TMEM132C: variants seen among roughly 807,000 people sequenced by gnomAD.
TMEM132C encodes protein phosphatase 1, regulatory subunit 152.
In TMEM132C, 29 loss-of-function variants were observed where a neutral mutation model predicts 61.4. That is an observed-to-expected ratio of 0.47 (90% CI 0.35 to 0.64). TMEM132C has a LOEUF of 0.64. Ranked by LOEUF, TMEM132C falls within the 30% of genes least tolerant of loss-of-function variation. The probability of loss-of-function intolerance (pLI) is 0.00; values close to 1 mark genes in which losing one functional copy is unlikely to be tolerated. For missense variants in TMEM132C, 1,408 were observed against 1,476.9 expected (o/e 0.95, Z 0.76); for synonymous variants, 656 against 633.1 (o/e 1.04, Z -0.54).
At chr12:128,408,760 G>A (rs1868407865) in intron 1 of TMEM132C, among the ~76,000 whole-genome samples, 1 of 152,168 alleles carries the variant, frequency 6.6e-6, no homozygotes, top group Admixed American at 6.5e-5. Flanking sequence ...GGTGACCCCA[G>A]AACAAGGCCT....
At chr12:128,371,022 G>C (rs76954492) in intron 1 of TMEM132C, among the ~76,000 whole-genome samples, 4,934 of 152,086 alleles carry the variant, frequency 0.032, 90 homozygotes, top group South Asian at 0.075. Flanking sequence ...TTCAATCCAG[G>C]TGCCTGGCTC....
chr12:128,536,839 G>A (rs1873552065), intron 2 of TMEM132C, among the ~76,000 whole-genome samples: 1 of 152,090 alleles, frequency 6.6e-6, no homozygotes, highest in African/African-American at 2.4e-5. Context: ...GAATGATGAG[G>A]TTCATACATT....
At chr12:128,567,429 GACACACACACACACAC>G (rs140541188) in intron 3 of TMEM132C, among the ~76,000 whole-genome samples, 104 of 136,328 alleles carry the variant, frequency 7.6e-4, no homozygotes, top group Middle Eastern at 3.8e-3. Flanking sequence ...CATACCCATA[GACACACACACACACAC>G]ACACACACAC....
At chr12:128,429,603 A>T (rs922196179) in intron 2 of TMEM132C, among the ~76,000 whole-genome samples, 3 of 152,168 alleles carry the variant, frequency 2.0e-5, no homozygotes, top group African/African-American at 2.4e-5. Flanking sequence ...AGCCATGGAA[A>T]TCAAGGCCAA....
intron 1 of TMEM132C, among the ~76,000 whole-genome samples, chr12:128,398,758 C>T (rs1474910025): frequency 3.3e-5 from 5 of 152,074 alleles, no homozygotes; most frequent in African/African-American, 1.2e-4. Flanking sequence ...ACAAAGAAGT[C>T]GATATATGAT....
At chr12:128,279,743 T>C (rs1870829838) in intron 1 of TMEM132C, among the ~76,000 whole-genome samples, 1 of 152,232 alleles carries the variant, frequency 6.6e-6, no homozygotes, top group South Asian at 2.1e-4. Flanking sequence ...ATGCACATTG[T>C]CTGTTGTTCT....
intron 4 of TMEM132C, among the ~76,000 whole-genome samples, chr12:128,639,392 CAAT>C (rs199969902): frequency 0.12 from 18,331 of 150,556 alleles, 1,448 homozygotes; most frequent in African/African-American, 0.23. Context: ...GTAAAGATGA[CAAT>C]GATGATGGTG....
chr12:128,479,855 T>A (rs1871266554), intron 2 of TMEM132C, among the ~76,000 whole-genome samples: 1 of 152,194 alleles, frequency 6.6e-6, no homozygotes, highest in Admixed American at 6.5e-5. Context: ...GTGAGTATTG[T>A]GAGAACAGTA....
chr12:128,666,926 C>T (rs536636502), intron 4 of TMEM132C, among the ~76,000 whole-genome samples: 2 of 152,246 alleles, frequency 1.3e-5, no homozygotes, highest in African/African-American at 2.4e-5. Flanking sequence ...AAAAATTAGC[C>T]GGGCGTGGTG....
chr12:128,684,008 A>AAATAAATAAATG (rs1263102866), intron 5 of TMEM132C, among the ~76,000 whole-genome samples: 1 of 138,100 alleles, frequency 7.2e-6, no homozygotes, highest in Non-Finnish European at 1.6e-5. Context: ...ATAAATAAAT[A>AAATAAATAAATG]AATGTTGGTG....
intron 1 of TMEM132C, among the ~76,000 whole-genome samples, chr12:128,306,603 T>C (rs1871793171): frequency 6.6e-6 from 1 of 152,204 alleles, no homozygotes; most frequent in Non-Finnish European, 1.5e-5. Flanking sequence ...TGAGGTGTAA[T>C]GTTTATGGGA....
intron 2 of TMEM132C, among the ~76,000 whole-genome samples, chr12:128,505,511 A>G (rs1872326173): frequency 6.6e-6 from 1 of 152,092 alleles, no homozygotes; most frequent in Admixed American, 6.6e-5. Flanking sequence ...GGGCCCTGGT[A>G]CCCACCCCCA....
At chr12:128,629,209 A>G (rs916621027) in intron 4 of TMEM132C, among the ~76,000 whole-genome samples, 6 of 152,166 alleles carry the variant, frequency 3.9e-5, no homozygotes, top group Admixed American at 6.5e-5. Flanking sequence ...GCCTTTGTTA[A>G]TCTTAAGAAT....
intron 3 of TMEM132C, among the ~76,000 whole-genome samples, chr12:128,588,793 C>T (rs1485120911): frequency 6.6e-6 from 1 of 152,174 alleles, no homozygotes; most frequent in Non-Finnish European, 1.5e-5. Flanking sequence ...AAACTGACTT[C>T]ACCCTGGGCT....
intron 2 of TMEM132C, among the ~76,000 whole-genome samples, chr12:128,482,444 G>A (rs752363180): frequency 1.4e-4 from 22 of 152,190 alleles, no homozygotes; most frequent in East Asian, 3.9e-4. Context: ...TGTTGTTGTC[G>A]TTGTGTCTCT....
intron 2 of TMEM132C, among the ~76,000 whole-genome samples, chr12:128,523,738 A>G (rs558300803): frequency 3.4e-5 from 5 of 148,976 alleles, no homozygotes; most frequent in African/African-American, 9.8e-5. Flanking sequence ...GATGGCTCAC[A>G]TCTGTAATCC....
chr12:128,442,570 T>G (rs1869833502), intron 2 of TMEM132C, among the ~76,000 whole-genome samples: 1 of 151,528 alleles, frequency 6.6e-6, no homozygotes, highest in South Asian at 2.1e-4. Context: ...CTGGACTTTT[T>G]GTAATGTCAG....
chr12:128,424,081 C>T (rs964757780), intron 2 of TMEM132C, among the ~76,000 whole-genome samples: 3 of 142,582 alleles, frequency 2.1e-5, no homozygotes, highest in Admixed American at 7.0e-5. Flanking sequence ...CTTTGGGAGG[C>T]TAATCCATTG....
chr12:128,577,389 A>C lies in TMEM132C; in HGVS notation c.1121+33286A>C, dbSNP rs539660316. Among the ~76,000 whole-genome samples the C allele has an allele frequency of 2.6e-5, 4 of 152,300 alleles. No homozygotes were observed. In the East Asian group the frequency reaches 7.7e-4, roughly 29 times the overall value. ...ATTGGTACATTAAGAGTGGGGATGT[A>C]TCATCATTTTGTTCCCAGAGGTTCT... On this transcript the variant is annotated intron_variant, in intron 3 of 8. Coordinates refer to ENST00000435159, the MANE Select transcript of TMEM132C (RefSeq NM_001136103.3).
Sources: allele counts gnomAD v4.1 joint callset (sites outside exome capture counted in the v4.1 genomes callset), GRCh38; gene constraint gnomAD v4.1.1; transcripts MANE v1.5; gene names NCBI Gene and HGNC (gene_info 2026-07-23, HGNC 2026-07-21).